Variants in TBC1D22A observed in about 807,000 individuals in gnomAD.
TBC1D22A encodes TBC1 domain family member 22A.
Under a neutral mutation model 60.2 loss-of-function variants are expected in TBC1D22A, and 38 were observed. The ratio of observed to expected loss-of-function variants is 0.63; its 90% CI spans 0.49 to 0.83. The LOEUF is 0.83. Ranked by LOEUF, TBC1D22A falls within the 40% of genes least tolerant of loss-of-function variation. The pLI is 0.00. For missense variants in TBC1D22A, 628 were observed against 701.0 expected, an observed-to-expected ratio of 0.90 and a Z score of 1.18; for synonymous variants, 302 against 281.7, an observed-to-expected ratio of 1.07 and a Z score of -0.72.
At chr22:46,974,457 G>A (rs993173622) in intron 9 of TBC1D22A, 58 bp downstream of exon 9, 3 of 1,428,470 alleles carry the variant, frequency 2.1e-6, no homozygotes, top group Non-Finnish European at 2.9e-6. Flanking sequence ...GGTGAAGAGA[G>A]CCTGAGGCCT....
At chr22:47,013,332 T>C (rs2061813146) in intron 10 of TBC1D22A, among the ~76,000 whole-genome samples, 1 of 152,174 alleles carries the variant, frequency 6.6e-6, no homozygotes, top group Non-Finnish European at 1.5e-5. Flanking sequence ...CTTGTGATGA[T>C]ATCTTTGTGA....
At chr22:47,130,671 T>C (rs1458060948) in intron 12 of TBC1D22A, among the ~76,000 whole-genome samples, 1 of 152,222 alleles carries the variant, frequency 6.6e-6, no homozygotes, top group Non-Finnish European at 1.5e-5. Flanking sequence ...TGACATGTCT[T>C]TTCCTCATCT....
intron 12 of TBC1D22A, among the ~76,000 whole-genome samples, chr22:47,127,719 A>G (rs930406887): frequency 3.9e-5 from 6 of 152,028 alleles, no homozygotes; most frequent in Non-Finnish European, 8.8e-5. Context: ...GCAGGCACTG[A>G]GCACTTTTCC....
chr22:46,969,311 C>T (rs1168440925), intron 8 of TBC1D22A, among the ~76,000 whole-genome samples: 1 of 152,192 alleles, frequency 6.6e-6, no homozygotes, highest in African/African-American at 2.4e-5. Flanking sequence ...TCCCGCCCCA[C>T]TCCCCCCACC....
chr22:47,111,100 C>T (rs776641989), intron 11 of TBC1D22A, among the ~76,000 whole-genome samples: 5 of 152,248 alleles, frequency 3.3e-5, no homozygotes, highest in Non-Finnish European at 5.9e-5. Context: ...CTGGGCTCAG[C>T]CTTGTTTCCT....
At chr22:46,914,585 C>T (rs903113249) in intron 8 of TBC1D22A, 2 of 152,240 alleles carry the variant, frequency 1.3e-5, no homozygotes, top group African/African-American at 4.8e-5. Flanking sequence ...AAGCGTTTAA[C>T]TTGCGTGGTG....
chr22:46,854,988 C>CATT (rs1297729792), intron 4 of TBC1D22A, among the ~76,000 whole-genome samples: 11 of 152,160 alleles, frequency 7.2e-5, no homozygotes, highest in Non-Finnish European at 1.5e-4. Flanking sequence ...GTGTAGTAGT[C>CATT]ATTATAATAG....
chr22:47,047,490 G>T (rs131910), intron 11 of TBC1D22A, among the ~76,000 whole-genome samples: 92,407 of 152,030 alleles, frequency 0.61, 28,667 homozygotes, highest in East Asian at 0.91. Flanking sequence ...AGCACAGCTG[G>T]TTGCTGGAAA....
chr22:46,803,256 C>T (rs1270475361), intron 4 of TBC1D22A, among the ~76,000 whole-genome samples: 6 of 152,162 alleles, frequency 3.9e-5, no homozygotes, highest in East Asian at 3.9e-4. Context: ...GTTAAACAGG[C>T]GGCTGCCCTC....
intron 8 of TBC1D22A, among the ~76,000 whole-genome samples, chr22:46,935,460 A>C (rs746368891): frequency 6.6e-6 from 1 of 152,246 alleles, no homozygotes; most frequent in Non-Finnish European, 1.5e-5. Context: ...AGCCCCTGTC[A>C]CAAGGGCCGT....
At chr22:47,132,399 T>C (rs1396728772) in intron 12 of TBC1D22A, among the ~76,000 whole-genome samples, 3 of 152,256 alleles carry the variant, frequency 2.0e-5, no homozygotes, top group African/African-American at 7.2e-5. Flanking sequence ...AATGTGCGCT[T>C]GATCCCTTCA....
rs193234654 is a variant in TBC1D22A at position 47,151,398 on chromosome 22, G to A, written c.1426-22100G>A. 2.1e-3 allele frequency among the ~76,000 whole-genome samples: 314 copies of A among 152,324 alleles called. 1 individual carries two copies. The highest frequency in any genetic ancestry group is 3.4e-3 in the Non-Finnish European group (229 of 68,038). On this transcript the variant is annotated intron_variant, in intron 12 of 12. Transcript: ENST00000337137. ...GCAGCAGAAAAATCAATGTGAGAAC[G>A]CAGACTTGAACAACTCGGGAAATTG...
intron 4 of TBC1D22A, among the ~76,000 whole-genome samples, chr22:46,867,818 G>A (rs1443109125): frequency 3.9e-5 from 6 of 152,244 alleles, no homozygotes; most frequent in African/African-American, 1.4e-4. Flanking sequence ...TTAAAAGACA[G>A]AAACTGTTGC....
intron 1 of TBC1D22A, among the ~76,000 whole-genome samples, chr22:46,783,309 C>T (rs2084020812): frequency 6.6e-6 from 1 of 152,202 alleles, no homozygotes; most frequent in Non-Finnish European, 1.5e-5. Context: ...TTTGACCCTT[C>T]TGGAGAGTAA....
At chr22:47,138,200 C>T (rs1429157967) in intron 12 of TBC1D22A, among the ~76,000 whole-genome samples, 1 of 152,190 alleles carries the variant, frequency 6.6e-6, no homozygotes, top group Non-Finnish European at 1.5e-5. Flanking sequence ...GAAGAAGTGG[C>T]CAGAGCTACT....
At position 46,792,407 on chromosome 22, in the gene TBC1D22A, C is replaced by G; in HGVS notation, c.63-113C>G. The G allele has an allele frequency of 5.5e-6, 8 of 1,443,760 alleles. No individual in the cohort carries two copies. In the Admixed American group the frequency reaches 6.8e-5, roughly 12 times the overall value. The allele number at this position is 1,443,760 out of a possible 1,614,324, so 89.4% of individuals were successfully genotyped here. A position where few individuals can be genotyped will look rare whatever the true frequency, so the allele number is the denominator to read the frequency against. On this transcript the variant is annotated intron_variant, in intron 1 of 12. Transcript: ENST00000337137. ...GGGGCCTGCGACAGCCCATGAGGAG[C>G]TGCTTCCTTCAGTCCTGTGGGTTCC...
At chr22:46,967,874 C>A (rs2073881198) in intron 8 of TBC1D22A, among the ~76,000 whole-genome samples, 1 of 151,962 alleles carries the variant, frequency 6.6e-6, no homozygotes, top group Non-Finnish European at 1.5e-5. Flanking sequence ...CATTGCACCC[C>A]CTGGTAATTA....
At chr22:46,897,640 G>GTTTTTTTGTTTTTTTTTT (rs1569189469) in intron 7 of TBC1D22A, among the ~76,000 whole-genome samples, 5 of 108,378 alleles carry the variant, frequency 4.6e-5, no homozygotes, top group African/African-American at 2.1e-4. Flanking sequence ...GTTTCGTTTT[G>GTTTTTTTGTTTTTTTTTT]TTTTTTTTTG....
chr22:46,960,465 T>G (rs2073435238), intron 8 of TBC1D22A, among the ~76,000 whole-genome samples: 2 of 152,158 alleles, frequency 1.3e-5, no homozygotes, highest in African/African-American at 4.8e-5. Context: ...TTTCGCCATG[T>G]TGGCCAGGCT....
Sources: allele counts gnomAD v4.1 joint callset (sites outside exome capture counted in the v4.1 genomes callset), GRCh38; gene constraint gnomAD v4.1.1; transcripts MANE v1.5; gene names NCBI Gene and HGNC (gene_info 2026-07-23, HGNC 2026-07-21).